HIP1: variants seen among roughly 807,000 people sequenced by gnomAD.
HIP1 encodes the protein huntingtin-interacting protein 1.
A neutral mutation model predicts 147.6 loss-of-function variants in HIP1; 65 were observed. The observed-to-expected ratio is 0.44, with a 90% CI of 0.36 to 0.54. The LOEUF is 0.54. Ranked by LOEUF, HIP1 falls within the 20% of genes least tolerant of loss-of-function variation. The pLI is 0.00. For synonymous variants in HIP1, 479 were observed against 504.0 expected (o/e 0.95, Z 0.67); for missense variants, 1,061 against 1,299.6 (o/e 0.82, Z 2.82).
At chr7:75,543,239 A>AT (rs1554490301) in intron 27 of HIP1, among the ~76,000 whole-genome samples, 1 of 152,206 alleles carries the variant, frequency 6.6e-6, no homozygotes, top group Non-Finnish European at 1.5e-5. Flanking sequence ...CCAATTTGGG[A>AT]TGACAAGAAA....
At chr7:75,666,177 A>T (rs1039627677) in intron 1 of HIP1, among the ~76,000 whole-genome samples, 2 of 149,938 alleles carry the variant, frequency 1.3e-5, no homozygotes, top group African/African-American at 2.5e-5. Context: ...AATTAATTTT[A>T]TTTTTTTTTG....
At chr7:75,590,108 A>G (rs34980140) in intron 4 of HIP1, among the ~76,000 whole-genome samples, 15,448 of 152,178 alleles carry the variant, frequency 0.1, 910 homozygotes, top group South Asian at 0.16. Context: ...TAGAAAGGAA[A>G]TAATTCAGGC....
chr7:75,607,234 T>TG (rs1563240712), intron 1 of HIP1, among the ~76,000 whole-genome samples: 1 of 137,446 alleles, frequency 7.3e-6, no homozygotes, highest in East Asian at 2.1e-4. Context: ...TTTTGTTTTG[T>TG]TTTTTTTTTT....
At chr7:75,581,832 T>G (rs1772946656) in intron 6 of HIP1, among the ~76,000 whole-genome samples, 1 of 151,698 alleles carries the variant, frequency 6.6e-6, no homozygotes, top group Non-Finnish European at 1.5e-5. Context: ...TAGGTACCAG[T>G]GTTGGAGTCA....
At chr7:75,594,675 G>A (rs1359218891) in intron 2 of HIP1, among the ~76,000 whole-genome samples, 1 of 152,150 alleles carries the variant, frequency 6.6e-6, no homozygotes, top group African/African-American at 2.4e-5. Flanking sequence ...TCGGGAGGCT[G>A]AGGCAGGAGA....
chr7:75,684,059 G>T (rs1800178407), intron 1 of HIP1, among the ~76,000 whole-genome samples: 1 of 152,018 alleles, frequency 6.6e-6, no homozygotes, highest in Non-Finnish European at 1.5e-5. Flanking sequence ...CGGGAGGATT[G>T]CATGAGACCA....
At chr7:75,585,234 G>A (rs1190551959) in intron 5 of HIP1, among the ~76,000 whole-genome samples, 1 of 150,158 alleles carries the variant, frequency 6.7e-6, no homozygotes, top group Non-Finnish European at 1.5e-5. Context: ...GCCCAGTCTG[G>A]AGTGCAGAGG....
intron 30 of HIP1, among the ~76,000 whole-genome samples, chr7:75,538,680 T>G (rs1361463110): frequency 6.7e-6 from 1 of 150,246 alleles, no homozygotes; most frequent in Non-Finnish European, 1.5e-5. Context: ...GTTCACGCCA[T>G]TCTCCTGCCT....
At chr7:75,710,264 T>C (rs782379080) in intron 1 of HIP1, among the ~76,000 whole-genome samples, 1 of 152,220 alleles carries the variant, frequency 6.6e-6, no homozygotes, top group Non-Finnish European at 1.5e-5. Flanking sequence ...TTAATTGAGA[T>C]GATCATGTGG....
At position 75,568,544 on chromosome 7, in the gene HIP1, A is replaced by C. The variant is rs1795497366; in HGVS notation, c.746-288T>G. On this transcript the variant is annotated intron_variant, in intron 8 of 30. Transcript: ENST00000336926. The surrounding 1 kb of genome is among the most constrained non-coding windows in gnomAD (Gnocchi z 4.1). ...GTGGAAATTGTGTCCTGGACTAGAG[A>C]AGAAATGGTGACCTGACCCAGTAGC... is the stretch of plus-strand genomic sequence containing the variant. Among the ~76,000 whole-genome samples the C allele has an allele frequency of 6.6e-6, 1 of 152,170 alleles. No individual in the cohort carries two copies. Among genetic ancestry groups the C allele is most frequent in the Non-Finnish European group, 1.5e-5 (1 of 68,030 alleles).
At chr7:75,644,158 A>G (rs190236767) in intron 1 of HIP1, among the ~76,000 whole-genome samples, 307 of 152,312 alleles carry the variant, frequency 2.0e-3, no homozygotes, top group Non-Finnish European at 3.3e-3. Flanking sequence ...CCTGAAAAAC[A>G]GGCTAATAAA....
chr7:75,707,732 G>A (rs1554519855), intron 1 of HIP1, among the ~76,000 whole-genome samples: 1 of 144,372 alleles, frequency 6.9e-6, no homozygotes, highest in African/African-American at 2.7e-5. Context: ...AAACAGTATG[G>A]TACTGGTACC....
intron 1 of HIP1, among the ~76,000 whole-genome samples, chr7:75,658,052 C>T (rs1263290809): frequency 1.3e-5 from 2 of 152,002 alleles, no homozygotes; most frequent in African/African-American, 2.4e-5. Context: ...AACTCTACAC[C>T]CTGGGACACT....
At chr7:75,720,727 G>C (rs1203467282) in intron 1 of HIP1, among the ~76,000 whole-genome samples, 1 of 152,146 alleles carries the variant, frequency 6.6e-6, no homozygotes, top group Non-Finnish European at 1.5e-5. Flanking sequence ...TTTTTCTCCT[G>C]GCCTGGGCAA....
intron 19 of HIP1, among the ~76,000 whole-genome samples, chr7:75,555,195 C>CGGGGGGGG (rs371043786): frequency 9.7e-4 from 23 of 23,634 alleles, no homozygotes; most frequent in Non-Finnish European, 1.8e-3. Context: ...AGCGGGGGGG[C>CGGGGGGGG]GGGGGGGGGG....
chr7:75,724,604 G>A (rs940410752), intron 1 of HIP1, among the ~76,000 whole-genome samples: 8 of 152,136 alleles, frequency 5.3e-5, no homozygotes, highest in African/African-American at 4.8e-5. Context: ...CCTAGCCATC[G>A]CCACTAATTT....
At chr7:75,733,238 T>C (rs577444248) in intron 1 of HIP1, among the ~76,000 whole-genome samples, 1 of 152,180 alleles carries the variant, frequency 6.6e-6, no homozygotes, top group Non-Finnish European at 1.5e-5. Context: ...CACTCACCCG[T>C]GGGATGACCC....
chr7:75,622,849 T>TTATCTATCTATC (rs57401190), intron 1 of HIP1, among the ~76,000 whole-genome samples: 12 of 146,242 alleles, frequency 8.2e-5, no homozygotes, highest in South Asian at 4.5e-4. Flanking sequence ...AAATAAATAA[T>TTATCTATCTATC]TATCTATCTA....
intron 1 of HIP1, among the ~76,000 whole-genome samples, chr7:75,667,293 G>A (rs184593485): frequency 1.3e-5 from 2 of 152,248 alleles, no homozygotes; most frequent in East Asian, 3.9e-4. Flanking sequence ...ATAATGGAAA[G>A]AACATGAGAT....
Sources: allele counts gnomAD v4.1 joint callset (sites outside exome capture counted in the v4.1 genomes callset), GRCh38; gene constraint gnomAD v4.1.1; non-coding constraint Gnocchi (gnomAD v3.1); transcripts MANE v1.5; gene names NCBI Gene and HGNC (gene_info 2026-07-23, HGNC 2026-07-21).